Variants in GABRG1 observed in about 807,000 individuals in gnomAD.
The protein encoded by GABRG1 is gamma-aminobutyric acid type A receptor subunit gamma1, also known as gamma-aminobutyric acid receptor subunit gamma-1.
Under a neutral mutation model 49.8 loss-of-function variants are expected in GABRG1, and 49 were observed. The ratio of observed to expected loss-of-function variants is 0.98; its 90% CI spans 0.78 to 1.25. The LOEUF is 1.25. Ranked by LOEUF, GABRG1 falls within the 50% of genes most tolerant of loss-of-function variation. The pLI, the probability that GABRG1 is intolerant of heterozygous loss-of-function variation, is 0.00. For missense variants in GABRG1, 552 were observed against 552.3 expected, an observed-to-expected ratio of 1.00 and a Z score of 0.01; for synonymous variants, 232 against 185.1, an observed-to-expected ratio of 1.25 and a Z score of -2.06.
intron 2 of GABRG1, among the ~76,000 whole-genome samples, chr4:46,093,388 T>C (rs887243049): frequency 1.3e-5 from 2 of 151,998 alleles, no homozygotes; most frequent in Non-Finnish European, 1.5e-5. Context: ...CACTCATTTG[T>C]AGGGGTTGAA....
At chr4:46,076,722 C>T (rs1300161966) in intron 3 of GABRG1, among the ~76,000 whole-genome samples, 2 of 151,582 alleles carry the variant, frequency 1.3e-5, no homozygotes, top group African/African-American at 4.8e-5. Flanking sequence ...CTACAACATT[C>T]TATGATTACT....
intron 8 of GABRG1, among the ~76,000 whole-genome samples, chr4:46,049,317 A>T (rs1020109147): frequency 1.3e-5 from 2 of 151,926 alleles, no homozygotes; most frequent in African/African-American, 2.4e-5. Context: ...TTACCTGATT[A>T]GCAAGACCAT....
chr4:46,042,178 C>T (rs1163649620), intron 8 of GABRG1, among the ~76,000 whole-genome samples: 2 of 151,774 alleles, frequency 1.3e-5, no homozygotes, highest in Non-Finnish European at 2.9e-5. Context: ...TAATCACCTG[C>T]CAGTAGGTAA....
rs1012731862 is a variant in GABRG1 at position 46,035,786 on chromosome 4, CTTTA to C, written c.*5198_*5201del. On this transcript the variant is annotated 3_prime_UTR_variant, in exon 9 of 9. Transcript: ENST00000295452. ...AGACACAATTTAAGAGAATGTGACTCTTTATTTATAACAAGTTACTGGTATTTTT... is the reference window on the plus strand; with the variant it reads ...AGACACAATTTAAGAGAATGTGACTCTTTATAACAAGTTACTGGTATTTTT... 12 of 151,974 alleles carry C rather than the reference CTTTA, an allele frequency of 7.9e-5. No individual in the cohort carries two copies. The highest frequency in any genetic ancestry group is 2.4e-4 in the African/African-American group (10 of 41,532). 9.4% of individuals were successfully genotyped at this position (151,974 alleles called of 1,614,324 possible).
intron 8 of GABRG1, among the ~76,000 whole-genome samples, chr4:46,049,761 C>T (rs1242991266): frequency 1.3e-5 from 2 of 151,872 alleles, no homozygotes; most frequent in Non-Finnish European, 1.5e-5. Flanking sequence ...TAATCCAGCT[C>T]TCTTGAGTAA....
intron 1 of GABRG1, among the ~76,000 whole-genome samples, chr4:46,106,136 T>C (rs928332585): frequency 6.6e-6 from 1 of 151,478 alleles, no homozygotes; most frequent in Admixed American, 6.6e-5. Flanking sequence ...CCAAGTTGTT[T>C]AGAATAGGGT....
At chr4:46,095,656 G>C (rs1018693527) in intron 2 of GABRG1, among the ~76,000 whole-genome samples, 1 of 151,750 alleles carries the variant, frequency 6.6e-6, no homozygotes, top group Non-Finnish European at 1.5e-5. Flanking sequence ...GTCAGTGAAA[G>C]AAAACATAAA....
Position 46,040,813 on chromosome 4 carries a change from A to G in GABRG1, c.*175T>C. The G allele has an allele frequency of 1.8e-6, 1 of 559,460 alleles. No individual in the cohort carries two copies. The allele number at this position is 559,460 out of a possible 1,614,324, so 34.7% of individuals were successfully genotyped here. A position where few individuals can be genotyped will look rare whatever the true frequency, so the allele number is the denominator to read the frequency against. On this transcript the variant is annotated 3_prime_UTR_variant, in exon 9 of 9. Coordinates refer to ENST00000295452, the MANE Select transcript of GABRG1 (RefSeq NM_173536.4). ...GCAACTAATCAGTTTCACGTAAATTAGCCTGAAAGCTGCTACTTTATTTAC... is the reference window on the plus strand; with the variant it reads ...GCAACTAATCAGTTTCACGTAAATTGGCCTGAAAGCTGCTACTTTATTTAC...
intron 5 of GABRG1, among the ~76,000 whole-genome samples, chr4:46,064,028 GC>G (rs778299369): frequency 6.6e-6 from 1 of 151,934 alleles, no homozygotes; most frequent in Non-Finnish European, 1.5e-5. Context: ...AATACTATTT[GC>G]CTAACCAATT....
intron 8 of GABRG1, among the ~76,000 whole-genome samples, chr4:46,045,568 A>C (rs1193265908): frequency 6.6e-6 from 1 of 151,184 alleles, no homozygotes. Flanking sequence ...TTTTTTTTTC[A>C]CTGTAAAAAA....
intron 1 of GABRG1, among the ~76,000 whole-genome samples, chr4:46,108,564 A>AC (rs1348697684): frequency 1.3e-5 from 2 of 150,920 alleles, no homozygotes; most frequent in African/African-American, 4.8e-5. Flanking sequence ...ATTAATCCTT[A>AC]CCACTATCCA....
chr4:46,112,847 G>T (rs1720762050), intron 1 of GABRG1, among the ~76,000 whole-genome samples: 1 of 150,936 alleles, frequency 6.6e-6, no homozygotes, highest in East Asian at 2.0e-4. Context: ...GTATATCGCT[G>T]ATGGGATTAT....
chr4:46,072,225 T>TA (rs1719156322), intron 3 of GABRG1, among the ~76,000 whole-genome samples: 1 of 152,116 alleles, frequency 6.6e-6, no homozygotes, highest in African/African-American at 2.4e-5. Flanking sequence ...ACAGCCACAG[T>TA]ATGTAGTAGA....
intron 3 of GABRG1, among the ~76,000 whole-genome samples, chr4:46,069,999 G>T (rs1205714917): frequency 6.6e-6 from 1 of 151,892 alleles, no homozygotes; most frequent in Non-Finnish European, 1.5e-5. Context: ...GGACAAAGAG[G>T]CAGTAAAGGG....
chr4:46,063,911 C>G (rs1050412026), intron 5 of GABRG1, among the ~76,000 whole-genome samples: 1 of 152,170 alleles, frequency 6.6e-6, no homozygotes, highest in Non-Finnish European at 1.5e-5. Flanking sequence ...TTATTCACCT[C>G]TAACCACTTC....
intron 3 of GABRG1, among the ~76,000 whole-genome samples, chr4:46,070,218 C>T (rs775773535): frequency 6.6e-6 from 1 of 151,930 alleles, no homozygotes; most frequent in Admixed American, 6.6e-5. Context: ...GAATAATGAA[C>T]TGAAAATCCT....
intron 2 of GABRG1, 127 bp downstream of exon 2, chr4:46,097,074 T>C: frequency 2.4e-6 from 2 of 820,692 alleles, no homozygotes; most frequent in Non-Finnish European, 1.8e-6. Context: ...TAACCAATAA[T>C]CTTCAAATTC....
intron 2 of GABRG1, among the ~76,000 whole-genome samples, chr4:46,095,540 A>T (rs1330795489): frequency 1.3e-5 from 2 of 151,814 alleles, no homozygotes; most frequent in African/African-American, 4.8e-5. Context: ...GGAGGAAAAA[A>T]AAAGACTAAG....
intron 2 of GABRG1, among the ~76,000 whole-genome samples, chr4:46,089,563 G>A (rs920298422): frequency 6.6e-6 from 1 of 152,102 alleles, no homozygotes; most frequent in South Asian, 2.1e-4. Context: ...TGTCTCAAGA[G>A]AGGATGTCTT....
Sources: allele counts gnomAD v4.1 joint callset (sites outside exome capture counted in the v4.1 genomes callset), GRCh38; gene constraint gnomAD v4.1.1; transcripts MANE v1.5; gene names NCBI Gene and HGNC (gene_info 2026-07-23, HGNC 2026-07-21).